Variants in SLC24A3 observed in about 807,000 individuals in gnomAD.
The protein encoded by SLC24A3 is sodium/potassium/calcium exchanger 3.
A neutral mutation model predicts 75.8 loss-of-function variants in SLC24A3; 28 were observed. That is an observed-to-expected ratio of 0.37 (90% CI 0.27 to 0.51). The LOEUF (loss-of-function observed/expected upper bound fraction) is 0.51, where lower values mean the gene tolerates loss of function less well. Ranked by LOEUF, SLC24A3 falls within the 20% of genes least tolerant of loss-of-function variation. The pLI, the probability that SLC24A3 is intolerant of heterozygous loss-of-function variation, is 0.94. For synonymous variants in SLC24A3, 372 were observed against 334.1 expected, an observed-to-expected ratio of 1.11 and a Z score of -1.24; for missense variants, 663 against 847.8, an observed-to-expected ratio of 0.78 and a Z score of 2.71.
At chr20:19,702,394 C>A (rs552096528) in intron 15 of SLC24A3, among the ~76,000 whole-genome samples, 1 of 152,262 alleles carries the variant, frequency 6.6e-6, no homozygotes, top group East Asian at 1.9e-4. Context: ...TCACTCTGGT[C>A]ATTCTGCTGG....
chr20:19,628,077 G>A lies in SLC24A3; in HGVS notation c.613-25985G>A, dbSNP rs1438925539. ...AAATTAGCCAGGCATGGTGGGGCAC[G>A]CCTATAGTCCCAGCTACTCGGGAGA... On this transcript the variant is annotated intron_variant, in intron 6 of 16. Coordinates refer to ENST00000328041, the MANE Select transcript of SLC24A3 (RefSeq NM_020689.4). Among the ~76,000 whole-genome samples the A allele has an allele frequency of 4.0e-5, 6 of 151,010 alleles. No homozygotes were observed. The South Asian group carries it at 6.3e-4, about 16-fold the overall frequency.
At chr20:19,663,078 G>GT (rs551800440) in intron 7 of SLC24A3, among the ~76,000 whole-genome samples, 1 of 151,978 alleles carries the variant, frequency 6.6e-6, no homozygotes, top group Non-Finnish European at 1.5e-5. Flanking sequence ...TCTGTTTAGA[G>GT]TTTTTTTAGA....
intron 2 of SLC24A3, among the ~76,000 whole-genome samples, chr20:19,450,660 T>C (rs1987464867): frequency 6.6e-6 from 1 of 152,190 alleles, no homozygotes; most frequent in South Asian, 2.1e-4. Context: ...GATCACAGCC[T>C]TGTGGGCACT....
chr20:19,696,751 G>A, intron 13 of SLC24A3, 46 bp from the exon 14 acceptor site: 1 of 1,356,258 alleles, frequency 7.4e-7, no homozygotes, highest in South Asian at 1.2e-5. Context: ...GGGCAGGTGG[G>A]GCTTGAGGTG....
At chr20:19,228,570 A>G (rs6075490) in intron 1 of SLC24A3, among the ~76,000 whole-genome samples, 119,572 of 151,734 alleles carry the variant, frequency 0.79, 47,331 homozygotes, top group East Asian at 0.89. Flanking sequence ...GCGTGAACCC[A>G]GGAGGCGGAG....
intron 3 of SLC24A3, among the ~76,000 whole-genome samples, chr20:19,516,625 G>T (rs1009924251): frequency 3.9e-5 from 6 of 152,214 alleles, no homozygotes; most frequent in African/African-American, 1.4e-4. Flanking sequence ...ATGGCTGAAG[G>T]GCTGGCTCAG....
intron 2 of SLC24A3, among the ~76,000 whole-genome samples, chr20:19,479,466 T>C (rs1220453915): frequency 6.6e-6 from 1 of 152,224 alleles, no homozygotes; most frequent in Non-Finnish European, 1.5e-5. Flanking sequence ...CATCCTCTTT[T>C]CTCATGCTGG....
chr20:19,654,021 C>T (rs748482964), intron 6 of SLC24A3, 41 bp from the exon 7 acceptor site: 1 of 1,542,858 alleles, frequency 6.5e-7, no homozygotes, highest in South Asian at 1.1e-5. Context: ...CTCATTTGTA[C>T]AGTCTATATC....
chr20:19,669,743 G>T (rs1200513810), intron 8 of SLC24A3, among the ~76,000 whole-genome samples: 1 of 152,090 alleles, frequency 6.6e-6, no homozygotes, highest in Non-Finnish European at 1.5e-5. Flanking sequence ...CTTCTTGGTG[G>T]GGCTGGAAAA....
chr20:19,677,688 T>TTTTTTTTTTTTTTTTTTTTC (rs2032542476), intron 9 of SLC24A3, among the ~76,000 whole-genome samples: 1 of 58,028 alleles, frequency 1.7e-5, no homozygotes, highest in African/African-American at 1.1e-4. Context: ...TTTTTTTTCT[T>TTTTTTTTTTTTTTTTTTTTC]TTTTTTTTTT....
At chr20:19,393,991 G>T (rs1166141929) in intron 2 of SLC24A3, among the ~76,000 whole-genome samples, 1 of 152,164 alleles carries the variant, frequency 6.6e-6, no homozygotes, top group Non-Finnish European at 1.5e-5. Context: ...AAACAGTGTA[G>T]TACTTGTGTA....
chr20:19,658,854 C>A (rs1306438697), intron 7 of SLC24A3, among the ~76,000 whole-genome samples: 1 of 152,216 alleles, frequency 6.6e-6, no homozygotes, highest in Non-Finnish European at 1.5e-5. Flanking sequence ...CTCCTCTGCC[C>A]CCAGTGAGCA....
intron 8 of SLC24A3, among the ~76,000 whole-genome samples, chr20:19,668,192 G>A (rs1050091868): frequency 1.2e-4 from 18 of 152,200 alleles, no homozygotes; most frequent in African/African-American, 4.3e-4. Context: ...GCACGTGAGT[G>A]AGGCTGAGAA....
chr20:19,682,458 T>C (rs914360827), intron 10 of SLC24A3, among the ~76,000 whole-genome samples: 2 of 152,044 alleles, frequency 1.3e-5, no homozygotes, highest in African/African-American at 4.8e-5. Context: ...CATGGAGCCA[T>C]CTCATACCTG....
intron 1 of SLC24A3, among the ~76,000 whole-genome samples, chr20:19,252,643 C>CCGGGG (rs113050087): frequency 7.5e-6 from 1 of 133,364 alleles, no homozygotes; most frequent in African/African-American, 2.7e-5. Context: ...ATTGGAATGG[C>CCGGGG]GGGGGGGGGT....
chr20:19,562,291 AG>A (rs2030886654), intron 3 of SLC24A3, among the ~76,000 whole-genome samples: 1 of 152,186 alleles, frequency 6.6e-6, no homozygotes, highest in African/African-American at 2.4e-5. Context: ...TAACAGCCGT[AG>A]AACCAAAATG....
chr20:19,511,266 G>T (rs559900473), intron 2 of SLC24A3, among the ~76,000 whole-genome samples: 2 of 152,030 alleles, frequency 1.3e-5, no homozygotes, highest in Non-Finnish European at 2.9e-5. Flanking sequence ...TAAGGCATGG[G>T]CATTTGGAAC....
chr20:19,249,314 G>T (rs184104297), intron 1 of SLC24A3, among the ~76,000 whole-genome samples: 43 of 152,254 alleles, frequency 2.8e-4, no homozygotes, highest in African/African-American at 1.0e-3. Context: ...CCTAAGTTTG[G>T]CTCAGCTTCC....
rs573570525 is a variant in SLC24A3, at chr20:19,514,117, G to C, written c.272-1371G>C. ...AAGCCAATGCTGCCTTGGATGCAGA[G>C]AGCAGAGCCTTTTCAAGCAGTGACC... On this transcript the variant is annotated intron_variant, in intron 2 of 16. Transcript: ENST00000328041. 9.2e-5 allele frequency among the ~76,000 whole-genome samples: 14 copies of C among 152,304 alleles called. No homozygotes were observed. The South Asian group carries it at 2.7e-3, about 29-fold the overall frequency.
Sources: gnomAD v4.1 joint callset for allele counts (sites outside exome capture counted in the v4.1 genomes callset) on GRCh38, gnomAD v4.1.1 for gene constraint, MANE v1.5 for transcripts, NCBI Gene and HGNC (gene_info 2026-07-23, HGNC 2026-07-21) for gene names.